Variants in ERG observed in about 807,000 individuals in gnomAD.
ERG encodes the protein transcriptional regulator ERG.
ERG carries 9 observed loss-of-function variants against 55.3 expected under a neutral mutation model. That is an observed-to-expected ratio of 0.16 (90% confidence interval 0.10 to 0.28). The LOEUF (loss-of-function observed/expected upper bound fraction) is 0.28, where lower values mean the gene tolerates loss of function less well. ERG is among the 10% of genes least tolerant of loss of function. The pLI is 1.00. For missense variants in ERG, 434 were observed against 631.6 expected, an observed-to-expected ratio of 0.69 and a Z score of 3.35; for synonymous variants, 223 against 237.3, an observed-to-expected ratio of 0.94 and a Z score of 0.55.
intron 3 of ERG, among the ~76,000 whole-genome samples, chr21:38,418,044 T>C (rs944032016): frequency 9.9e-5 from 15 of 152,182 alleles, no homozygotes; most frequent in Non-Finnish European, 8.8e-5. Flanking sequence ...GGAATGTTAA[T>C]GTGATACTGT....
At chr21:38,659,009 T>A (rs546638000) in intron 1 of ERG, among the ~76,000 whole-genome samples, 1 of 152,312 alleles carries the variant, frequency 6.6e-6, no homozygotes, top group Admixed American at 6.5e-5. Context: ...CTACTCTAAA[T>A]TTTTTTAAAT....
chr21:38,450,847 CA>C (rs748787544), intron 1 of ERG: 390 of 447,786 alleles, frequency 8.7e-4, no homozygotes, highest in Non-Finnish European at 1.5e-3. Flanking sequence ...TGACATCTTA[CA>C]TTTTATGAAA....
intron 2 of ERG, among the ~76,000 whole-genome samples, chr21:38,524,932 A>C (rs2836466): frequency 0.31 from 47,773 of 152,032 alleles, 9,259 homozygotes; most frequent in Non-Finnish European, 0.42. Context: ...ATACTTCCTA[A>C]AGCAAACACA....
chr21:38,501,061 CTT>C (rs34639260), upstream of ERG, among the ~76,000 whole-genome samples: 24 of 81,162 alleles, frequency 3.0e-4, no homozygotes, highest in Non-Finnish European at 3.2e-4. Context: ...CAAGGCACAT[CTT>C]TTTTTTTTTT....
At chr21:38,477,931 A>C (rs1407021604) in intron 1 of ERG, among the ~76,000 whole-genome samples, 1 of 152,226 alleles carries the variant, frequency 6.6e-6, no homozygotes, top group African/African-American at 2.4e-5. Flanking sequence ...TTATCTCCCC[A>C]AGGTTTTAGT....
At chr21:38,503,716 AGAGCCCCGCAAGAAC>A (rs1268872057) in intron 2 of ERG, among the ~76,000 whole-genome samples, 1 of 152,218 alleles carries the variant, frequency 6.6e-6, no homozygotes, top group Non-Finnish European at 1.5e-5. Context: ...ATTATTCATG[AGAGCCCCGCAAGAAC>A]GATGTCCCAG....
rs558595116 is a variant in ERG at position 38,617,393 on chromosome 21, C to A, written c.-149-32448G>T. 2.0e-5 allele frequency among the ~76,000 whole-genome samples: 3 copies of A among 152,298 alleles called. No individual in the cohort carries two copies. The East Asian group carries it at 5.8e-4, about 29-fold the overall frequency. Reference sequence around the variant, plus strand: ...AATGAGCCCATGTGTTCAGCCTCTCCCTTAACCACATGGAAAGGGCAGGCG... The same window carrying A: ...AATGAGCCCATGTGTTCAGCCTCTCACTTAACCACATGGAAAGGGCAGGCG... On this transcript the variant is annotated intron_variant, in intron 1 of 10. Coordinates refer to the ERG transcript ENST00000398910.
intron 2 of ERG, among the ~76,000 whole-genome samples, chr21:38,532,763 A>G (rs1431124347): frequency 2.0e-5 from 3 of 152,220 alleles, no homozygotes; most frequent in East Asian, 1.9e-4. Flanking sequence ...CTGCAATTCA[A>G]TGATCTCTAT....
chr21:38,520,081 G>A (rs1463299655), intron 2 of ERG, among the ~76,000 whole-genome samples: 1 of 152,006 alleles, frequency 6.6e-6, no homozygotes, highest in Non-Finnish European at 1.5e-5. Flanking sequence ...TCAGTTAGCA[G>A]GTCAAAACTT....
intron 3 of ERG, among the ~76,000 whole-genome samples, chr21:38,422,020 T>C (rs1989567228): frequency 6.6e-6 from 1 of 152,086 alleles, no homozygotes. Context: ...GGCTGGCCAG[T>C]AAGAAAACTT....
intron 1 of ERG, among the ~76,000 whole-genome samples, chr21:38,606,651 T>C (rs773433945): frequency 2.6e-5 from 4 of 152,094 alleles, no homozygotes; most frequent in Non-Finnish European, 5.9e-5. Context: ...TAAACCATAA[T>C]AAAAAGCAGC....
downstream of ERG, among the ~76,000 whole-genome samples, chr21:38,378,064 A>G (rs1368338403): frequency 6.6e-6 from 1 of 152,206 alleles, no homozygotes; most frequent in Non-Finnish European, 1.5e-5. Flanking sequence ...CAGAGCCACA[A>G]CATAATTCAA....
chr21:38,587,706 A>G (rs911458395), upstream of ERG, among the ~76,000 whole-genome samples: 1 of 152,192 alleles, frequency 6.6e-6, no homozygotes, highest in African/African-American at 2.4e-5. Context: ...AAAAGCCAAT[A>G]TTGACTATTG....
chr21:38,641,990 T>A (rs576201360), intron 1 of ERG, among the ~76,000 whole-genome samples: 21 of 152,322 alleles, frequency 1.4e-4, no homozygotes, highest in African/African-American at 4.8e-4. Context: ...GAATTCCTGG[T>A]TTATAATATA....
chr21:38,429,759 A>ACACG (rs1990117013), intron 2 of ERG, among the ~76,000 whole-genome samples: 1 of 151,634 alleles, frequency 6.6e-6, no homozygotes. Context: ...ACACACACAC[A>ACACG]CACACCACAT....
intron 1 of ERG, among the ~76,000 whole-genome samples, chr21:38,446,305 A>C (rs1413336058): frequency 6.6e-6 from 1 of 150,920 alleles, no homozygotes; most frequent in Non-Finnish European, 1.5e-5. Context: ...AAATATCTGG[A>C]TCACTGACAA....
chr21:38,382,498 A>T lies in ERG; in HGVS notation c.*905T>A, dbSNP rs1987493814. 1 of 1,064,810 alleles carries T rather than the reference A, an allele frequency of 9.4e-7. No homozygotes were observed. The highest frequency in any genetic ancestry group is 1.1e-6 in the Non-Finnish European group (1 of 878,770). 66.0% of individuals were successfully genotyped at this position (1,064,810 alleles called of 1,614,324 possible). A position where few individuals can be genotyped will look rare whatever the true frequency, so the allele number is the denominator to read the frequency against. On this transcript the variant is annotated 3_prime_UTR_variant, in exon 10 of 10. Transcript: ENST00000288319. ...AAGAGATGCGCATTTTTGTTTCTGA[A>T]TTCTACTACTTCCCCTTTCTCCATT...
chr21:38,429,682 T>C (rs1200296279), intron 2 of ERG, among the ~76,000 whole-genome samples: 1 of 150,664 alleles, frequency 6.6e-6, no homozygotes, highest in Non-Finnish European at 1.5e-5. Context: ...TATATATGTA[T>C]ATATGTGTGT....
chr21:38,539,166 T>C (rs2059733270), intron 2 of ERG, among the ~76,000 whole-genome samples: 1 of 152,246 alleles, frequency 6.6e-6, no homozygotes, highest in Admixed American at 6.5e-5. Context: ...TTTTAGTTAC[T>C]GAGCATCTCC....
Sources: gnomAD v4.1 joint callset for allele counts (sites outside exome capture counted in the v4.1 genomes callset) on GRCh38, gnomAD v4.1.1 for gene constraint, MANE v1.5 for transcripts, NCBI Gene and HGNC (gene_info 2026-07-23, HGNC 2026-07-21) for gene names.